Variants in TAF3 observed in about 807,000 individuals in gnomAD.
The protein encoded by TAF3 is TATA-box binding protein associated factor 3.
TAF3 carries 7 observed loss-of-function variants against 80.6 expected under a neutral mutation model. That is an observed-to-expected ratio of 0.09 (90% CI 0.05 to 0.16). TAF3 has a LOEUF of 0.16. TAF3 is among the 10% of genes least tolerant of loss of function. TAF3 has a pLI of 1.00. For missense variants in TAF3, 921 were observed against 1,140.2 expected, an observed-to-expected ratio of 0.81 and a Z score of 2.77; for synonymous variants, 444 against 446.1, an observed-to-expected ratio of 1.00 and a Z score of 0.06.
intron 2 of TAF3, among the ~76,000 whole-genome samples, chr10:7,830,014 A>G (rs1836782484): frequency 6.6e-6 from 1 of 152,208 alleles, no homozygotes; most frequent in Non-Finnish European, 1.5e-5. Context: ...TCGTTATGAA[A>G]TGGAAGTGTC....
intron 2 of TAF3, among the ~76,000 whole-genome samples, chr10:7,825,630 T>A (rs1180001585): frequency 6.6e-6 from 1 of 152,234 alleles, no homozygotes; most frequent in Non-Finnish European, 1.5e-5. Flanking sequence ...TAGTATGATG[T>A]CTTCAGGGTT....
intron 1 of TAF3, among the ~76,000 whole-genome samples, chr10:7,820,441 A>G (rs182918763): frequency 6.6e-6 from 1 of 152,362 alleles, no homozygotes; most frequent in Non-Finnish European, 1.5e-5. Flanking sequence ...TTGACTTTAC[A>G]TATTGAGTTC....
At chr10:7,833,979 AC>A (rs1836826366) in intron 2 of TAF3, 1 of 252,210 alleles carries the variant, frequency 4.0e-6, no homozygotes, top group Non-Finnish European at 7.9e-6. Context: ...GTCCTCCGGC[AC>A]AGGACAACAG....
intron 2 of TAF3, among the ~76,000 whole-genome samples, chr10:7,859,222 T>A (rs1314720944): frequency 6.6e-6 from 1 of 151,298 alleles, no homozygotes; most frequent in Non-Finnish European, 1.5e-5. Flanking sequence ...GATCATGCCA[T>A]TGCACTCCAG....
At chr10:7,984,202 G>C (rs989383188) in intron 4 of TAF3, among the ~76,000 whole-genome samples, 1 of 151,804 alleles carries the variant, frequency 6.6e-6, no homozygotes, top group Non-Finnish European at 1.5e-5. Flanking sequence ...TTACCACCTA[G>C]AACAATGATA....
In TAF3 at chr10:7,876,756, A is replaced by G. The variant is rs970437161; in HGVS notation, c.409+52196A>G. Among the ~76,000 whole-genome samples the G allele has an allele frequency of 2.0e-5, 3 of 152,238 alleles. No homozygotes were observed. The South Asian group carries it at 6.2e-4, about 32-fold the overall frequency. On this transcript the variant is annotated intron_variant, in intron 2 of 6. Transcript: ENST00000344293. ...GAGCATAGCCAAAGTCATTATTTCC[A>G]CTGAAGTTGTCATCTGTGCTTTACA...
At chr10:7,897,109 G>C (rs1019286814) in intron 2 of TAF3, among the ~76,000 whole-genome samples, 1 of 152,096 alleles carries the variant, frequency 6.6e-6, no homozygotes, top group Non-Finnish European at 1.5e-5. Flanking sequence ...TACCAGCCAG[G>C]GAAGACTCTG....
At chr10:7,832,112 T>A (rs553680226) in intron 2 of TAF3, among the ~76,000 whole-genome samples, 1 of 152,308 alleles carries the variant, frequency 6.6e-6, no homozygotes, top group South Asian at 2.1e-4. Context: ...TTTTTCACCA[T>A]GCTGTGCAAT....
intron 2 of TAF3, among the ~76,000 whole-genome samples, chr10:7,896,522 G>T (rs1419798565): frequency 6.6e-6 from 1 of 152,182 alleles, no homozygotes; most frequent in East Asian, 1.9e-4. Flanking sequence ...AGTTGCCATA[G>T]CCCCACACAG....
Position 7,947,292 on chromosome 10 carries a change from G to A in TAF3, c.410-16628G>A, listed in dbSNP as rs1398732934. Among the ~76,000 whole-genome samples the A allele has an allele frequency of 2.7e-5, 4 of 150,536 alleles. No individual in the cohort carries two copies. The South Asian group carries it at 6.4e-4, about 24-fold the overall frequency. On this transcript the variant is annotated intron_variant, in intron 2 of 6. Transcript: ENST00000344293. Reference sequence around the variant, plus strand: ...GCCCCTCCAGCCCCCACCGCAGGCCGGATAGTGCGGTTAAGAGCTTTCCAT... The same window carrying A: ...GCCCCTCCAGCCCCCACCGCAGGCCAGATAGTGCGGTTAAGAGCTTTCCAT...
At chr10:7,966,939 CTT>C (rs1831576749) in intron 3 of TAF3, among the ~76,000 whole-genome samples, 1 of 152,200 alleles carries the variant, frequency 6.6e-6, no homozygotes, top group South Asian at 2.1e-4. Flanking sequence ...AAATCCAACT[CTT>C]ATTTCCATTT....
chr10:7,837,776 G>A (rs544220882), intron 2 of TAF3, among the ~76,000 whole-genome samples: 1 of 152,152 alleles, frequency 6.6e-6, no homozygotes, highest in South Asian at 2.1e-4. Context: ...GCTGCAGTGA[G>A]CCACTGCACT....
chr10:7,827,779 C>CAA (rs71515491), intron 2 of TAF3, among the ~76,000 whole-genome samples: 5 of 94,958 alleles, frequency 5.3e-5, no homozygotes, highest in African/African-American at 7.8e-5. Flanking sequence ...GACTCTGTCT[C>CAA]AAAAAAAAAA....
chr10:7,828,894 T>A (rs1388088687), intron 2 of TAF3, among the ~76,000 whole-genome samples: 2 of 82,222 alleles, frequency 2.4e-5, no homozygotes, highest in Non-Finnish European at 4.8e-5. Context: ...ATTAGCTGGG[T>A]GTGGTGGTGC....
At chr10:7,973,736 C>T (rs771639330) in intron 3 of TAF3, among the ~76,000 whole-genome samples, 5 of 152,156 alleles carry the variant, frequency 3.3e-5, no homozygotes, top group Non-Finnish European at 5.9e-5. Flanking sequence ...GTTTATTCTT[C>T]CACAGATAAC....
chr10:7,846,688 C>G (rs570902481), intron 2 of TAF3, among the ~76,000 whole-genome samples: 13 of 152,192 alleles, frequency 8.5e-5, no homozygotes, highest in Non-Finnish European at 1.8e-4. Flanking sequence ...CAAATATCCA[C>G]TGGACCTCCT....
At chr10:7,951,746 T>TA (rs1838085040) in intron 2 of TAF3, among the ~76,000 whole-genome samples, 1 of 152,208 alleles carries the variant, frequency 6.6e-6, no homozygotes, top group African/African-American at 2.4e-5. Flanking sequence ...TTTACATACT[T>TA]TGTCTTACTG....
intron 2 of TAF3, among the ~76,000 whole-genome samples, chr10:7,962,000 C>T (rs1831507734): frequency 6.6e-6 from 1 of 152,082 alleles, no homozygotes; most frequent in South Asian, 2.1e-4. Context: ...CAGGCACGCA[C>T]CACAACACCC....
At chr10:7,943,213 C>T (rs571905249) in intron 2 of TAF3, among the ~76,000 whole-genome samples, 44 of 152,308 alleles carry the variant, frequency 2.9e-4, no homozygotes, top group Admixed American at 3.3e-4. Context: ...ATGAAACAGG[C>T]GCTCGATGTT....
Sources: allele counts gnomAD v4.1 joint callset (sites outside exome capture counted in the v4.1 genomes callset), GRCh38; gene constraint gnomAD v4.1.1; transcripts MANE v1.5; gene names NCBI Gene and HGNC (gene_info 2026-07-23, HGNC 2026-07-21).